The following TTC16 variants were observed in gnomAD, a reference collection of about 807,000 sequenced individuals.
TTC16 encodes the protein tetratricopeptide repeat domain 16.
In TTC16, 66 loss-of-function variants were observed where a neutral mutation model predicts 80.4. That is an observed-to-expected ratio of 0.82 (90% CI 0.67 to 1.01). The LOEUF (loss-of-function observed/expected upper bound fraction) is 1.01. TTC16 is among the 50% of genes least tolerant of loss of function. The pLI, the probability that TTC16 is intolerant of heterozygous loss-of-function variation, is 0.00. For missense variants in TTC16, 1,070 were observed against 1,103.2 expected (o/e 0.97, Z 0.43); for synonymous variants, 438 against 451.3 (o/e 0.97, Z 0.37).
Position 127,718,734 on chromosome 9 carries a change from G to A in TTC16, c.426+962G>A, listed in dbSNP as rs572696076. On this transcript the variant is annotated intron_variant, in intron 4 of 13. Coordinates refer to ENST00000373289, the MANE Select transcript of TTC16 (RefSeq NM_144965.3). This position sits in a 1 kb window ranked among gnomAD's most constrained non-coding sequence, Gnocchi z 4.6. ...AGCCTCCCAAGTAGCTAGGATTACA[G>A]ATGTGCATCAACATGCCTGGCTAAT... 3.1e-4 allele frequency among the ~76,000 whole-genome samples: 47 copies of A among 152,170 alleles called. No homozygotes were observed. Among genetic ancestry groups the A allele is most frequent in the African/African-American group, 1.1e-3 (45 of 41,550 alleles).
Position 127,716,826 on chromosome 9 carries a change from G to A in TTC16, c.19-18G>A. ...TCGTCTCGGGGGCCTGCTCCAGCTT[G>A]CTGTCCTTCGGTTCTAGGATGCCCT... On this transcript the variant is annotated intron_variant, in intron 1 of 13. Transcript: ENST00000373289. The A allele has an allele frequency of 6.3e-7, 1 of 1,596,440 alleles. No homozygotes were observed. The highest frequency in any genetic ancestry group is 8.6e-7 in the Non-Finnish European group (1 of 1,167,242).
rs35761147 is a variant in TTC16 at position 127,724,106 on chromosome 9, GC to G, written c.873-6del. The G allele has an allele frequency of 1.1e-4, 165 of 1,566,346 alleles. No homozygotes were observed. The highest frequency in any genetic ancestry group is 9.8e-4 in the East Asian group (43 of 43,994). On this transcript the variant is annotated splice_polypyrimidine_tract_variant and intron_variant, in intron 7 of 13. Transcript: ENST00000373289. ...TCATGTCCCTCCTGCCGTCTCCCAC[GC>G]CCCCCCCGACAGGGGCACCATGTAC...
intron 8 of TTC16, 27 bp from the exon 9 acceptor site, chr9:127,724,711 GCACTGGGAGTTGGGGGTC>G (rs760656285): frequency 3.8e-6 from 6 of 1,587,638 alleles, no homozygotes; most frequent in Non-Finnish European, 4.3e-6. Flanking sequence ...GGGCTCCCGG[GCACTGGGAGTTGGGGGTC>G]CACTCACCCC....
In TTC16 at chr9:127,722,441, G is replaced by C. The variant is rs1392672738; in HGVS notation, c.658-678G>C. Among the ~76,000 whole-genome samples, 1 of 152,170 alleles carries C rather than the reference G, an allele frequency of 6.6e-6. No individual in the cohort carries two copies. Among genetic ancestry groups the C allele is most frequent in the Non-Finnish European group, 1.5e-5 (1 of 68,028 alleles). ...TCTTGGGCTCAAAGGTCAGGGAGGA[G>C]AAGAGGGAGTGCAGGGGAGGGGAGG... On this transcript the variant is annotated intron_variant, in intron 6 of 13. Coordinates refer to ENST00000373289, the MANE Select transcript of TTC16 (RefSeq NM_144965.3). The surrounding 1 kb of genome is among the most constrained non-coding windows in gnomAD (Gnocchi z 4.2).
Position 127,719,288 on chromosome 9 carries a change from C to T in TTC16, c.427-790C>T, listed in dbSNP as rs535242738. On this transcript the variant is annotated intron_variant, in intron 4 of 13. Transcript: ENST00000373289. ...CATGTGTGAATCTGTCTGTTGGGGG[C>T]CCATGTCCTGCACTGCCACTTCCTG... Among the ~76,000 whole-genome samples, 10 of 152,198 alleles carry T rather than the reference C, an allele frequency of 6.6e-5. No individual in the cohort carries two copies. The East Asian group carries it at 1.5e-3, about 24-fold the overall frequency.
At chr9:127,717,306 C>T (rs2131613356) in intron 2 of TTC16, 28 bp from the exon 3 acceptor site, 1 of 1,601,424 alleles carries the variant, frequency 6.2e-7, no homozygotes, top group Non-Finnish European at 8.5e-7. Flanking sequence ...CAGGGCCACC[C>T]CTCTGCCTGT....
At position 127,727,357 on chromosome 9, in the gene TTC16, C is replaced by T. The variant is rs565595589; in HGVS notation, c.1656C>T (p.Ser552=). ...AGGGGGAGCCTTTGATTGCGACCTC[C>T]GAGGAGCTGAAGGCCACCCCTGAGA... ...WKQGEPLIAT[S]EELKATPEIP... is the part of the protein sequence containing the mutation. Residue 552 remains serine, a synonymous_variant, in exon 12 of 14, where the codon TCC becomes TCT. Coordinates refer to ENST00000373289, the MANE Select transcript of TTC16 (RefSeq NM_144965.3). The T allele has an allele frequency of 5.7e-5, 91 of 1,609,678 alleles. No individual in the cohort carries two copies. Among genetic ancestry groups the T allele is most frequent in the South Asian group, 5.6e-4 (51 of 90,870 alleles).
intron 1 of TTC16, chr9:127,716,527 C>G: frequency 1.9e-6 from 1 of 531,512 alleles, no homozygotes; most frequent in Non-Finnish European, 3.4e-6. Context: ...GAGCTGGAGA[C>G]ATCAAAGCTT....
Position 127,723,105 on chromosome 9 carries a change from A to G in TTC16, c.658-14A>G, listed in dbSNP as rs560291696. On this transcript the variant is annotated splice_polypyrimidine_tract_variant and intron_variant, in intron 6 of 13. Transcript: ENST00000373289. The stretch of plus-strand genomic sequence containing the variant: ...TTGGTCTGTGCCCCTGATGCCACCC[A>G]TGGCCTCCTGCAGCCCCACCTCTGC... The G allele has an allele frequency of 1.2e-6, 2 of 1,607,810 alleles. No homozygotes were observed. The highest frequency in any genetic ancestry group is 2.0e-4 in the Middle Eastern group (1 of 5,058).
chr9:127,725,968 T>A (rs917901927), intron 9 of TTC16, among the ~76,000 whole-genome samples: 1 of 152,196 alleles, frequency 6.6e-6, no homozygotes, highest in African/African-American at 2.4e-5. Context: ...CAAATTAATA[T>A]ATTCATTTTA....
At position 127,731,216 on chromosome 9, in the gene TTC16, A is replaced by G; in HGVS notation, c.2433A>G (p.Ser811=). 3.1e-6 allele frequency: 5 copies of G among 1,612,874 alleles called. No homozygotes were observed. Among genetic ancestry groups the G allele is most frequent in the South Asian group, 1.1e-5 (1 of 91,066 alleles). Reference sequence around the variant, plus strand: ...CCAAGACTGAGGCTTTCTATGACTCAAACTGGAGCCTCAGCAAAACTGAGT... The same window carrying G: ...CCAAGACTGAGGCTTTCTATGACTCGAACTGGAGCCTCAGCAAAACTGAGT... ...SSTKTEAFYD[S]NWSLSKTEYA... is the part of the protein sequence containing the mutation. Residue 811 remains serine (S), a synonymous_variant, in exon 14 of 14, where the codon TCA becomes TCG. Transcript: ENST00000373289.
At position 127,730,885 on chromosome 9, in the gene TTC16, C is replaced by T; in HGVS notation, c.2102C>T (p.Thr701Ile). Residue 701 changes from threonine (T) to isoleucine (I), a missense_variant, in exon 14 of 14, where the codon ACT becomes ATT. Physicochemically the swap from Thr to Ile is moderately conservative, Grantham distance 89. Transcript: ENST00000373289. ...QRRNSSKTKATIHKRNSSKTK... is the reference protein window; with the variant it reads ...QRRNSSKTKAIIHKRNSSKTK... ...CGGAACTCCAGCAAGACCAAGGCCA[C>T]TATACACAAGAGGAACTCCAGCAAG... 1 of 1,613,250 alleles carries T rather than the reference C, an allele frequency of 6.2e-7. No homozygotes were observed. Among genetic ancestry groups the T allele is most frequent in the Middle Eastern group, 1.7e-4 (1 of 6,060 alleles).
intron 4 of TTC16, among the ~76,000 whole-genome samples, chr9:127,719,032 G>A (rs1199802649): frequency 6.6e-6 from 1 of 151,652 alleles, no homozygotes; most frequent in East Asian, 2.0e-4. Flanking sequence ...CCAACATGGT[G>A]AAACCTCATC....
chr9:127,717,626 CA>C lies in TTC16; in HGVS notation c.283-2del. 6.2e-7 allele frequency: 1 copy of C among 1,613,390 alleles called. No homozygotes were observed. The highest frequency in any genetic ancestry group is 8.5e-7 in the Non-Finnish European group (1 of 1,179,622). ...CTAGCAGCCTGGGTCCCCTCACCCT[CA>C]GGTGGACTTCTATGCCTTACGGGCT... On this transcript the variant is annotated splice_acceptor_variant, in intron 3 of 13. Coordinates refer to ENST00000373289, the MANE Select transcript of TTC16 (RefSeq NM_144965.3). LOFTEE classifies it high-confidence loss of function.
chr9:127,716,984 A>G lies in TTC16; in HGVS notation c.159A>G (p.Thr53=), dbSNP rs1843073665. The G allele has an allele frequency of 5.6e-6, 9 of 1,613,764 alleles. No individual in the cohort carries two copies. Among genetic ancestry groups the G allele is most frequent in the Non-Finnish European group, 7.6e-6 (9 of 1,179,782 alleles). The change falls in exon 2 of 14, where the codon ACA becomes ACG. Residue 53 remains threonine, a synonymous_variant. Transcript: ENST00000373289. ...TCTGTGATGTAAAACCAAAGGTCACAGGGTTAACAGTGCCCCTCAAAGTCA... is the reference window on the plus strand; with the variant it reads ...TCTGTGATGTAAAACCAAAGGTCACGGGGTTAACAGTGCCCCTCAAAGTCA... ...QSICDVKPKV[T]GLTVPLKVRE... is the part of the protein sequence containing the mutation.
rs1843236542 is a variant in TTC16, at chr9:127,718,749, G to A, written c.426+977G>A. Among the ~76,000 whole-genome samples the A allele has an allele frequency of 6.6e-6, 1 of 152,002 alleles. No homozygotes were observed. The highest frequency in any genetic ancestry group is 2.4e-5 in the African/African-American group (1 of 41,418). On this transcript the variant is annotated intron_variant, in intron 4 of 13. Transcript: ENST00000373289. The surrounding 1 kb of genome is among the most constrained non-coding windows in gnomAD (Gnocchi z 4.6). ...TAGGATTACAGATGTGCATCAACAT[G>A]CCTGGCTAATTTTTGTACTTTTAAT...
chr9:127,731,453 A>C lies in TTC16; in HGVS notation c.*48A>C, dbSNP rs1588470637. On this transcript the variant is annotated 3_prime_UTR_variant, in exon 14 of 14. Coordinates refer to ENST00000373289, the MANE Select transcript of TTC16 (RefSeq NM_144965.3). ...TCTTGCTGGGGAGGGGACGAGTTCT[A>C]CCCACCTCCCCACACTGGCACTCAG... 6.4e-7 allele frequency: 1 copy of C among 1,558,596 alleles called. No individual in the cohort carries two copies. Among genetic ancestry groups the C allele is most frequent in the Non-Finnish European group, 8.7e-7 (1 of 1,151,756 alleles).
intron 11 of TTC16, 59 bp downstream of exon 11, chr9:127,727,171 C>G: frequency 6.6e-7 from 1 of 1,521,088 alleles, no homozygotes; most frequent in South Asian, 1.3e-5. Context: ...GCTCCAGGCT[C>G]CTCTGGCTCC....
At chr9:127,716,374 G>C in intron 1 of TTC16, 1 of 688,178 alleles carries the variant, frequency 1.5e-6, no homozygotes, top group Non-Finnish European at 2.4e-6. Context: ...TGGGTAGCTG[G>C]TGGGGAAGGT....
Sources: gnomAD v4.1 joint callset for allele counts (sites outside exome capture counted in the v4.1 genomes callset) on GRCh38, gnomAD v4.1.1 for gene constraint, Gnocchi (gnomAD v3.1) non-coding constraint, MANE v1.5 for transcripts, NCBI Gene and HGNC (gene_info 2026-07-23, HGNC 2026-07-21) for gene names.